Variants in SGCZ observed in about 807,000 individuals in gnomAD.
The protein encoded by SGCZ is sarcoglycan zeta, also known as zeta-sarcoglycan.
Under a neutral mutation model 41.3 loss-of-function variants are expected in SGCZ, and 40 were observed. The observed-to-expected ratio is 0.97, with a 90% CI of 0.75 to 1.26. SGCZ has a LOEUF of 1.26. Ranked by LOEUF, SGCZ falls within the 50% of genes most tolerant of loss-of-function variation. The probability of loss-of-function intolerance (pLI) is 0.00; values close to 1 mark genes in which losing one functional copy is unlikely to be tolerated. For synonymous variants in SGCZ, 206 were observed against 137.5 expected, an observed-to-expected ratio of 1.50 and a Z score of -3.49; for missense variants, 552 against 369.8, an observed-to-expected ratio of 1.49 and a Z score of -4.04.
At chr8:14,239,955 A>C (rs1025650712) in intron 3 of SGCZ, among the ~76,000 whole-genome samples, 2 of 149,516 alleles carry the variant, frequency 1.3e-5, no homozygotes, top group African/African-American at 2.5e-5. Context: ...GCCTTATTAC[A>C]CATGTTAAAA....
chr8:14,554,182 A>G (rs1803959645), intron 2 of SGCZ, among the ~76,000 whole-genome samples: 1 of 152,082 alleles, frequency 6.6e-6, no homozygotes, highest in African/African-American at 2.4e-5. Flanking sequence ...TTTACGAGGG[A>G]TGTGCTATGA....
At chr8:15,093,543 A>C (rs1806227039) in intron 1 of SGCZ, among the ~76,000 whole-genome samples, 1 of 152,194 alleles carries the variant, frequency 6.6e-6, no homozygotes, top group Non-Finnish European at 1.5e-5. Context: ...AGCAGAAATA[A>C]GATTTATTCA....
chr8:14,266,922 C>G (rs1346597155), intron 3 of SGCZ, among the ~76,000 whole-genome samples: 1 of 151,980 alleles, frequency 6.6e-6, no homozygotes, highest in East Asian at 1.9e-4. Flanking sequence ...ATATGAAGAG[C>G]TAGAATGAAT....
At chr8:14,567,821 G>T (rs879041829) in intron 1 of SGCZ, among the ~76,000 whole-genome samples, 2 of 152,132 alleles carry the variant, frequency 1.3e-5, no homozygotes, top group Admixed American at 6.5e-5. Flanking sequence ...CACCTTAAGA[G>T]CTGTAACACT....
intron 1 of SGCZ, among the ~76,000 whole-genome samples, chr8:15,052,577 T>C (rs1804553187): frequency 6.6e-6 from 1 of 152,140 alleles, no homozygotes; most frequent in South Asian, 2.1e-4. Context: ...GTCTCAGTAG[T>C]GTATTTTCTG....
intron 1 of SGCZ, among the ~76,000 whole-genome samples, chr8:14,923,133 T>A (rs1395940389): frequency 6.6e-6 from 1 of 152,208 alleles, no homozygotes; most frequent in Non-Finnish European, 1.5e-5. Context: ...AAAGAAACTA[T>A]GAGCTCAAGT....
chr8:14,194,572 A>G (rs905363915), intron 4 of SGCZ, among the ~76,000 whole-genome samples: 2 of 151,932 alleles, frequency 1.3e-5, no homozygotes, highest in African/African-American at 4.8e-5. Flanking sequence ...TAAACCAGGA[A>G]TAATAACATA....
intron 1 of SGCZ, among the ~76,000 whole-genome samples, chr8:14,918,668 G>A (rs964217354): frequency 6.6e-5 from 10 of 152,122 alleles, no homozygotes; most frequent in African/African-American, 2.4e-4. Flanking sequence ...TATCTCCTCT[G>A]ACTCAACAAC....
At position 14,654,384 on chromosome 8, in the gene SGCZ, G is replaced by C. The variant is rs967758629; in HGVS notation, c.40-99458C>G. Among the ~76,000 whole-genome samples the C allele has an allele frequency of 2.6e-5, 4 of 152,034 alleles. No homozygotes were observed. The South Asian group carries it at 8.3e-4, about 32-fold the overall frequency. On this transcript the variant is annotated intron_variant, in intron 1 of 7. Transcript: ENST00000382080. The stretch of plus-strand genomic sequence containing the variant: ...CCTCATTTTACCTATCTGTAGAGTG[G>C]GGAAGATGATGGTCATGAAAATAAT...
At chr8:14,798,083 A>T (rs1801197580) in intron 1 of SGCZ, among the ~76,000 whole-genome samples, 1 of 152,220 alleles carries the variant, frequency 6.6e-6, no homozygotes, top group South Asian at 2.1e-4. Flanking sequence ...CCACTGGAAC[A>T]CAGCACAATT....
intron 2 of SGCZ, among the ~76,000 whole-genome samples, chr8:14,448,295 C>T (rs568148745): frequency 5.3e-5 from 8 of 152,258 alleles, no homozygotes; most frequent in Middle Eastern, 3.4e-3. Flanking sequence ...ATCATCAAAA[C>T]GAACTGCATG....
chr8:14,384,025 T>G (rs1804472723), intron 2 of SGCZ, among the ~76,000 whole-genome samples: 1 of 151,992 alleles, frequency 6.6e-6, no homozygotes, highest in African/African-American at 2.4e-5. Flanking sequence ...ACATGTAGGT[T>G]ACACATGTAT....
intron 2 of SGCZ, among the ~76,000 whole-genome samples, chr8:14,466,216 T>G (rs1801044958): frequency 6.6e-6 from 1 of 152,008 alleles, no homozygotes; most frequent in Non-Finnish European, 1.5e-5. Flanking sequence ...TCTCCTTGAC[T>G]ATCAATGGAC....
intron 2 of SGCZ, among the ~76,000 whole-genome samples, chr8:14,496,925 C>T (rs541987596): frequency 6.6e-6 from 1 of 152,178 alleles, no homozygotes; most frequent in South Asian, 2.1e-4. Context: ...TTCATACATT[C>T]CCACATTGTT....
At position 14,237,671 on chromosome 8, in the gene SGCZ, C is replaced by T. The variant is rs570879256; in HGVS notation, c.345G>A (p.Pro115=). 3 of 1,613,016 alleles carry T rather than the reference C, an allele frequency of 1.9e-6. No individual in the cohort carries two copies. Among genetic ancestry groups the T allele is most frequent in the Non-Finnish European group, 2.5e-6 (3 of 1,179,376 alleles). Residue 115 remains proline, a synonymous_variant, in exon 4 of 8, where the codon CCG becomes CCA. Coordinates refer to ENST00000382080, the MANE Select transcript of SGCZ (RefSeq NM_139167.4). The stretch of plus-strand genomic sequence containing the variant: ...CATTCCTGTCAGACTGTAAGACCAG[C>T]GGACTATCCTGGGAAACATGTATAA... ...VKEIHSRKDS[P]LVLQSDRNVT...
At chr8:14,823,057 A>T (rs867114313) in intron 1 of SGCZ, among the ~76,000 whole-genome samples, 2 of 82,000 alleles carry the variant, frequency 2.4e-5, no homozygotes, top group Non-Finnish European at 5.1e-5. Flanking sequence ...AATCCTCATA[A>T]AAAAAAAAAA....
intron 2 of SGCZ, among the ~76,000 whole-genome samples, chr8:14,496,023 A>G (rs2117040476): frequency 6.6e-6 from 1 of 152,230 alleles, no homozygotes; most frequent in South Asian, 2.1e-4. Flanking sequence ...ACACTGCAAT[A>G]GGGGCTGGAA....
chr8:14,781,235 GTTT>G (rs1800578445), intron 1 of SGCZ, among the ~76,000 whole-genome samples: 1 of 151,840 alleles, frequency 6.6e-6, no homozygotes, highest in African/African-American at 2.4e-5. Flanking sequence ...TATAATTACT[GTTT>G]TTTTCTTCTT....
At chr8:14,958,047 A>G (rs1800847126) in intron 1 of SGCZ, among the ~76,000 whole-genome samples, 1 of 152,112 alleles carries the variant, frequency 6.6e-6, no homozygotes, top group Non-Finnish European at 1.5e-5. Context: ...TTTATCACAT[A>G]TTCATCTCTA....
Sources: allele counts gnomAD v4.1 joint callset (sites outside exome capture counted in the v4.1 genomes callset), GRCh38; gene constraint gnomAD v4.1.1; transcripts MANE v1.5; gene names NCBI Gene and HGNC (gene_info 2026-07-23, HGNC 2026-07-21).